MYH2: variants seen among roughly 807,000 people sequenced by gnomAD.
MYH2 encodes myosin-2.
In MYH2, 139 loss-of-function variants were observed where a neutral mutation model predicts 228.1. The ratio of observed to expected loss-of-function variants is 0.61; its 90% CI spans 0.53 to 0.70. The LOEUF (loss-of-function observed/expected upper bound fraction) is 0.70. MYH2 is among the 30% of genes least tolerant of loss of function. The pLI is 0.00. For synonymous variants in MYH2, 796 were observed against 871.1 expected (o/e 0.91, Z 1.52); for missense variants, 1,809 against 2,357.5 (o/e 0.77, Z 4.82).
At position 10,529,328 on chromosome 17, in the gene MYH2, T is replaced by A; in HGVS notation, c.3263+8A>T. 1 of 1,613,852 alleles carries A rather than the reference T, an allele frequency of 6.2e-7. No homozygotes were observed. The highest frequency in any genetic ancestry group is 8.5e-7 in the Non-Finnish European group (1 of 1,179,992). On this transcript the variant is annotated splice_region_variant and intron_variant, in intron 25 of 39. Coordinates refer to ENST00000245503, the MANE Select transcript of MYH2 (RefSeq NM_017534.6). The stretch of plus-strand genomic sequence containing the variant: ...AAGCAAATCCATAAGCAATTCTTTC[T>A]TACTTACTTTTTGAGCTTTTCATCA...
intron 4 of MYH2, 30 bp from the exon 5 acceptor site, chr17:10,545,532 A>G: frequency 6.2e-7 from 1 of 1,612,582 alleles, no homozygotes; most frequent in East Asian, 2.2e-5. Flanking sequence ...TAAGTACCCA[A>G]AGACCTTTCC....
Position 10,525,271 on chromosome 17 carries a change from CT to C in MYH2, c.4614del (p.Val1539TrpfsTer12). On this transcript the variant is annotated frameshift_variant, in exon 33 of 40. Coordinates refer to ENST00000245503, the MANE Select transcript of MYH2 (RefSeq NM_017534.6). LOFTEE classifies it high-confidence loss of function. This position sits in a 1 kb window ranked among gnomAD's most constrained non-coding sequence, Gnocchi z 4.2. ...TGAAGTTCACACTTTTCTTGTTCCA[CT>C]TGTTTCTTTATTTTCTCCAGTTCAT... ...RIHELEKIKK[Q>X]VEQEKCELQA... 6.2e-7 allele frequency: 1 copy of C among 1,614,120 alleles called. No homozygotes were observed. Among genetic ancestry groups the C allele is most frequent in the Non-Finnish European group, 8.5e-7 (1 of 1,180,012 alleles).
chr17:10,547,711 A>T lies in MYH2; in HGVS notation c.204+6T>A. The stretch of plus-strand genomic sequence containing the variant: ...AAATGTGGCAAGCTCCTGGGATTCT[A>T]CTCACCGCTCCTCCCTCAGTCTTCA... On this transcript the variant is annotated splice_donor_region_variant and intron_variant, in intron 3 of 39. Transcript: ENST00000245503. The T allele has an allele frequency of 6.2e-7, 1 of 1,614,084 alleles. No individual in the cohort carries two copies. The highest frequency in any genetic ancestry group is 1.1e-5 in the South Asian group (1 of 91,076).
Position 10,536,603 on chromosome 17 carries a change from C to T in MYH2, c.1901G>A (p.Gly634Glu). The change falls in exon 17 of 40, where the codon GGA becomes GAA. Residue 634 changes from glycine to glutamate, a missense_variant. Gly to Glu is a moderately conservative substitution (Grantham distance 98). Coordinates refer to ENST00000245503, the MANE Select transcript of MYH2 (RefSeq NM_017534.6). ...ACCTTTCTTGGCCCCTCCACCAGCTCCCTCTGAAGAAAAAGGAAGAAAAGA... is the reference window on the plus strand; with the variant it reads ...ACCTTTCTTGGCCCCTCCACCAGCTTCCTCTGAAGAAAAAGGAAGAAAAGA... ...FSGAQTAEGE[G>E]AGGGAKKGGK... 1 of 1,613,268 alleles carries T rather than the reference C, an allele frequency of 6.2e-7. No homozygotes were observed. The highest frequency in any genetic ancestry group is 8.5e-7 in the Non-Finnish European group (1 of 1,179,462).
chr17:10,527,256 C>T (rs2073366919), intron 28 of MYH2, among the ~76,000 whole-genome samples, 200 bp from the exon 29 acceptor site: 1 of 152,198 alleles, frequency 6.6e-6, no homozygotes, highest in East Asian at 1.9e-4. Context: ...ATAAATACAG[C>T]TTAAATTCCT....
intron 11 of MYH2, 41 bp downstream of exon 11, chr17:10,540,553 G>T: frequency 6.7e-7 from 1 of 1,482,164 alleles, no homozygotes; most frequent in South Asian, 1.1e-5. Context: ...CCATTACTCT[G>T]ACCCACCATA....
In MYH2 at chr17:10,537,936, A is replaced by G. The variant is rs2073502902; in HGVS notation, c.1417-101T>C. On this transcript the variant is annotated intron_variant, in intron 14 of 39. Transcript: ENST00000245503. The surrounding 1 kb of genome is among the most constrained non-coding windows in gnomAD (Gnocchi z 4.0). The stretch of plus-strand genomic sequence containing the variant: ...AAAATATGTGTCCAAGAGCCTTTAT[A>G]TTACAGATATTAAAATCACTGGGTT... 4 of 1,575,012 alleles carry G rather than the reference A, an allele frequency of 2.5e-6. No homozygotes were observed. Among genetic ancestry groups the G allele is most frequent in the Non-Finnish European group, 3.5e-6 (4 of 1,155,488 alleles).
intron 5 of MYH2, among the ~76,000 whole-genome samples, chr17:10,544,875 C>T (rs146758245): frequency 7.2e-5 from 11 of 152,152 alleles, no homozygotes; most frequent in Middle Eastern, 6.8e-3. Flanking sequence ...AGCATTGTGC[C>T]GTCCTTCATA....
chr17:10,543,561 C>T (rs2073586272), intron 8 of MYH2, 150 bp downstream of exon 8: 1 of 1,209,240 alleles, frequency 8.3e-7, no homozygotes, highest in Non-Finnish European at 1.2e-6. Flanking sequence ...CAAGATGGGG[C>T]TTTGATCTAT....
chr17:10,541,391 A>C (rs1439648289), intron 10 of MYH2, among the ~76,000 whole-genome samples: 1 of 152,170 alleles, frequency 6.6e-6, no homozygotes, highest in Non-Finnish European at 1.5e-5. Context: ...GGTTGAAATA[A>C]GCCTGGTCTC....
At chr17:10,527,972 A>G (rs1597450036) in intron 27 of MYH2, 98 bp from the exon 28 acceptor site, 2 of 1,391,918 alleles carry the variant, frequency 1.4e-6, no homozygotes, top group East Asian at 4.9e-5. Flanking sequence ...TAAAAAATAC[A>G]ATATTTATCT....
intron 2 of MYH2, among the ~76,000 whole-genome samples, chr17:10,549,041 A>G (rs2073669367): frequency 6.6e-6 from 1 of 152,238 alleles, no homozygotes; most frequent in Non-Finnish European, 1.5e-5. Context: ...CATTATGTTT[A>G]CTAAATGAAT....
chr17:10,545,642 G>A, intron 4 of MYH2, 140 bp from the exon 5 acceptor site: 2 of 1,183,854 alleles, frequency 1.7e-6, no homozygotes, highest in East Asian at 5.2e-5. Flanking sequence ...TCAGCTCACT[G>A]CAGCCCCAAC....
chr17:10,529,832 C>G lies in MYH2; in HGVS notation c.2940G>C (p.Lys980Asn), dbSNP rs2073403461. 1.9e-6 allele frequency: 3 copies of G among 1,613,716 alleles called. No homozygotes were observed. The highest frequency in any genetic ancestry group is 1.7e-6 in the Non-Finnish European group (2 of 1,179,994). Residue 980 changes from lysine (K) to asparagine (N), a missense_variant and splice_region_variant, in exon 23 of 40, where the codon AAG (lysine) becomes AAC (asparagine). Physicochemically the swap from Lys to Asn is moderately conservative, Grantham distance 94. Coordinates refer to ENST00000245503, the MANE Select transcript of MYH2 (RefSeq NM_017534.6). ...VEKEKHATEN[K>N]VKNLTEEMAG... ...CAGTACTGTAGAATATGATTGATAC[C>G]TTGTTTTCTGTGGCATGTTTCTCCT... is the stretch of plus-strand genomic sequence containing the variant.
In MYH2 at chr17:10,531,785, C is replaced by T; in HGVS notation, c.2545G>A (p.Ala849Thr). ...GTGGCCATCTCCTTCTCAGTTTCTGCACTCTTCAACAGAGGCTTGATCTTG... is the reference window on the plus strand; with the variant it reads ...GTGGCCATCTCCTTCTCAGTTTCTGTACTCTTCAACAGAGGCTTGATCTTG... The part of the protein sequence containing the change: ...FFKIKPLLKS[A>T]ETEKEMATMK... Residue 849 changes from alanine (A) to threonine (T), a missense_variant, in exon 22 of 40, where the codon GCA (alanine) becomes ACA (threonine). By Grantham distance (58) the Ala-to-Thr change is moderately conservative. This residue lies in a region of MYH2 where 276 missense variants were observed against 344.2 expected (regional missense o/e 0.80). Coordinates refer to ENST00000245503, the MANE Select transcript of MYH2 (RefSeq NM_017534.6). 6.2e-7 allele frequency: 1 copy of T among 1,614,202 alleles called. No homozygotes were observed. Among genetic ancestry groups the T allele is most frequent in the Non-Finnish European group, 8.5e-7 (1 of 1,180,032 alleles).
chr17:10,526,339 T>C (rs1025001128), intron 30 of MYH2, among the ~76,000 whole-genome samples: 1 of 152,214 alleles, frequency 6.6e-6, no homozygotes, highest in African/African-American at 2.4e-5. Context: ...GAGCTCATTG[T>C]GCTTGACAAA....
At position 10,537,034 on chromosome 17, in the gene MYH2, C is replaced by G. The variant is rs2073489306; in HGVS notation, c.1897+199G>C. On this transcript the variant is annotated intron_variant, in intron 16 of 39. Transcript: ENST00000245503. The surrounding 1 kb of genome is among the most constrained non-coding windows in gnomAD (Gnocchi z 4.0). ...CATTGGTTGAGAGCCTGATAATCCT[C>G]TCTGACTCTGCAATAGGGCTCCTGT... Among the ~76,000 whole-genome samples the G allele has an allele frequency of 6.6e-6, 1 of 152,198 alleles. No individual in the cohort carries two copies. Among genetic ancestry groups the G allele is most frequent in the Admixed American group, 6.5e-5 (1 of 15,286 alleles).
intron 8 of MYH2, 82 bp from the exon 9 acceptor site, chr17:10,543,243 C>T: frequency 9.5e-7 from 1 of 1,049,310 alleles, no homozygotes; most frequent in Non-Finnish European, 1.4e-6. Flanking sequence ...GATGCTGGTA[C>T]TTTAATATTA....
In MYH2 at chr17:10,546,255, T is replaced by TTA. The variant is rs1376514619; in HGVS notation, c.349-754_349-753insTA. Among the ~76,000 whole-genome samples the TTA allele has an allele frequency of 7.8e-3, 212 of 27,156 alleles. 6 individuals carry two copies. The highest frequency in any genetic ancestry group is 0.067 in the Middle Eastern group (4 of 60). The allele number at this position is 27,156 out of a possible 152,430, so 17.8% of individuals were successfully genotyped here. ...AGTTATAAGGAAACAGGACACGAAA[T>TTA]GATATATATATATATATATATATAT... is the stretch of plus-strand genomic sequence containing the variant. On this transcript the variant is annotated intron_variant, in intron 4 of 39. Coordinates refer to ENST00000245503, the MANE Select transcript of MYH2 (RefSeq NM_017534.6).
Sources: gnomAD v4.1 joint callset for allele counts (sites outside exome capture counted in the v4.1 genomes callset) on GRCh38, gnomAD v4.1.1 for gene constraint, gnomAD v4.1.1 regional missense constraint, Gnocchi (gnomAD v3.1) non-coding constraint, MANE v1.5 for transcripts, NCBI Gene and HGNC (gene_info 2026-07-23, HGNC 2026-07-21) for gene names.